Variants in LHFPL2 observed in about 807,000 individuals in gnomAD.
The protein encoded by LHFPL2 is LHFPL tetraspan subfamily member 2 protein.
In LHFPL2, 7 loss-of-function variants were observed where a neutral mutation model predicts 17.5. The observed-to-expected ratio is 0.40, with a 90% confidence interval of 0.23 to 0.75. LHFPL2 has a LOEUF of 0.75. Among genes scored for constraint, LHFPL2 ranks in the 30% least tolerant of loss-of-function variants. The pLI, the probability that LHFPL2 is intolerant of heterozygous loss-of-function variation, is 0.37. For missense variants in LHFPL2, 241 were observed against 294.8 expected, an observed-to-expected ratio of 0.82 and a Z score of 1.34; for synonymous variants, 134 against 116.2, an observed-to-expected ratio of 1.15 and a Z score of -0.99.
chr5:78,506,357 C>T (rs1031161527), intron 4 of LHFPL2, among the ~76,000 whole-genome samples: 2 of 152,224 alleles, frequency 1.3e-5, no homozygotes, highest in African/African-American at 4.8e-5. Flanking sequence ...AGAACAAACA[C>T]AGCCTGAGTG....
At chr5:78,615,825 C>T (rs1475339202) in intron 2 of LHFPL2, among the ~76,000 whole-genome samples, 1 of 152,146 alleles carries the variant, frequency 6.6e-6, no homozygotes, top group Non-Finnish European at 1.5e-5. Context: ...ATACAACACC[C>T]ACACTCCTTC....
intron 3 of LHFPL2, among the ~76,000 whole-genome samples, chr5:78,562,560 G>A (rs1231862620): frequency 6.6e-6 from 1 of 151,852 alleles, no homozygotes; most frequent in Non-Finnish European, 1.5e-5. Flanking sequence ...ACTTGAACTG[G>A]GGAGGCGGAG....
intron 1 of LHFPL2, among the ~76,000 whole-genome samples, 177 bp from the exon 2 acceptor site, chr5:78,632,545 T>A (rs772261769): frequency 2.6e-5 from 4 of 152,192 alleles, no homozygotes; most frequent in Non-Finnish European, 5.9e-5. Context: ...AATGCTAGTT[T>A]ACAACTCAGT....
chr5:78,560,927 G>A (rs1756708967), intron 3 of LHFPL2, among the ~76,000 whole-genome samples: 1 of 152,180 alleles, frequency 6.6e-6, no homozygotes, highest in African/African-American at 2.4e-5. Flanking sequence ...TGTAAGCCAT[G>A]TGTATTAATT....
chr5:78,504,835 A>G (rs996871877), intron 4 of LHFPL2, among the ~76,000 whole-genome samples: 1 of 152,222 alleles, frequency 6.6e-6, no homozygotes, highest in Non-Finnish European at 1.5e-5. Context: ...GTTCAGCCCC[A>G]GGGCAATCTA....
At chr5:78,574,991 G>C (rs1757092723) in intron 2 of LHFPL2, among the ~76,000 whole-genome samples, 1 of 152,148 alleles carries the variant, frequency 6.6e-6, no homozygotes, top group Non-Finnish European at 1.5e-5. Context: ...TTTCATAAAA[G>C]AATCGAGAGA....
chr5:78,618,845 G>A (rs946476648), intron 2 of LHFPL2, among the ~76,000 whole-genome samples: 7 of 152,106 alleles, frequency 4.6e-5, no homozygotes, highest in Non-Finnish European at 8.8e-5. Flanking sequence ...GGCCTGCTTC[G>A]GGACTCGGAG....
chr5:78,505,710 A>T (rs2112313729), intron 4 of LHFPL2, among the ~76,000 whole-genome samples: 1 of 152,386 alleles, frequency 6.6e-6, no homozygotes, highest in East Asian at 1.9e-4. Context: ...GTAGAATGCA[A>T]CAAATCCGGG....
chr5:78,549,340 C>T (rs1020907531), intron 3 of LHFPL2, among the ~76,000 whole-genome samples: 17 of 152,196 alleles, frequency 1.1e-4, no homozygotes, highest in Admixed American at 8.5e-4. Context: ...TGCCACATTT[C>T]AGCCATGAAG....
intron 3 of LHFPL2, among the ~76,000 whole-genome samples, chr5:78,558,127 T>C (rs1204864821): frequency 1.3e-5 from 2 of 152,150 alleles, no homozygotes; most frequent in East Asian, 3.8e-4. Flanking sequence ...ATTGCCTTCT[T>C]TAGTGGCAAG....
At position 78,488,031 on chromosome 5, in the gene LHFPL2, G is replaced by A. The variant is rs1305918067; in HGVS notation, c.*866C>T. 1.5e-5 allele frequency: 1 copy of A among 67,516 alleles called. No individual in the cohort carries two copies. The highest frequency in any genetic ancestry group is 5.6e-5 in the African/African-American group (1 of 17,776). The allele number at this position is 67,516 out of a possible 1,614,324, so 4.2% of individuals were successfully genotyped here. ...CTGCATAAGCCACAGCTAGCTTGGA[G>A]ACCTCAGTCCCTGGAAGGAGGAAAC... On this transcript the variant is annotated 3_prime_UTR_variant, in exon 5 of 5. Coordinates refer to ENST00000380345, the MANE Select transcript of LHFPL2 (RefSeq NM_005779.3).
chr5:78,637,250 C>T (rs1016877990), intron 1 of LHFPL2, among the ~76,000 whole-genome samples: 4 of 152,138 alleles, frequency 2.6e-5, no homozygotes, highest in African/African-American at 9.7e-5. Flanking sequence ...CTTTTAAAAG[C>T]TTTGTAATCG....
At chr5:78,602,002 G>GA (rs1170922659) in intron 2 of LHFPL2, among the ~76,000 whole-genome samples, 2 of 152,044 alleles carry the variant, frequency 1.3e-5, no homozygotes, top group Admixed American at 6.6e-5. Flanking sequence ...TATTAATGTG[G>GA]AAAAAATACG....
intron 4 of LHFPL2, among the ~76,000 whole-genome samples, chr5:78,494,894 C>G (rs1460217502): frequency 6.6e-6 from 1 of 152,128 alleles, no homozygotes; most frequent in Non-Finnish European, 1.5e-5. Flanking sequence ...GTTCCCAATG[C>G]AAACGTAGGA....
intron 3 of LHFPL2, among the ~76,000 whole-genome samples, chr5:78,544,125 T>C (rs1416886760): frequency 6.6e-6 from 1 of 152,216 alleles, no homozygotes; most frequent in African/African-American, 2.4e-5. Flanking sequence ...CAGAGTCCCT[T>C]GTTATGGCAG....
chr5:78,524,611 G>T (rs181116000), intron 3 of LHFPL2, among the ~76,000 whole-genome samples: 94 of 152,036 alleles, frequency 6.2e-4, no homozygotes, highest in African/African-American at 2.1e-3. Flanking sequence ...GTGTGGTGGC[G>T]GGCGCCTGTA....
chr5:78,517,261 A>T lies in LHFPL2; in HGVS notation c.-185-6863T>A, dbSNP rs1038677247. ...AAGTCTCTTTTTCTCTGGGCATGGG[A>T]TCCCCCACTGAGCTCTTTTGACCCC... On this transcript the variant is annotated intron_variant, in intron 3 of 4. Coordinates refer to ENST00000380345, the MANE Select transcript of LHFPL2 (RefSeq NM_005779.3). Among the ~76,000 whole-genome samples, 65 of 152,240 alleles carry T rather than the reference A, an allele frequency of 4.3e-4. 1 individual carries two copies. Among genetic ancestry groups the T allele is most frequent in the African/African-American group, 1.5e-3 (62 of 41,546 alleles).
intron 4 of LHFPL2, among the ~76,000 whole-genome samples, chr5:78,499,649 G>C (rs902670803): frequency 1.3e-5 from 2 of 152,236 alleles, no homozygotes; most frequent in African/African-American, 4.8e-5. Flanking sequence ...GGATTAGAGA[G>C]CAGGTGATAA....
chr5:78,488,790 CG>C lies in LHFPL2; in HGVS notation c.*106del, dbSNP rs1754336677. 2 of 1,318,120 alleles carry C rather than the reference CG, an allele frequency of 1.5e-6. No individual in the cohort carries two copies. The highest frequency in any genetic ancestry group is 2.6e-5 in the South Asian group (2 of 75,826). The allele number at this position is 1,318,120 out of a possible 1,614,324, so 81.7% of individuals were successfully genotyped here. A position where few individuals can be genotyped will look rare whatever the true frequency, so the allele number is the denominator to read the frequency against. On this transcript the variant is annotated 3_prime_UTR_variant, in exon 5 of 5. Transcript: ENST00000380345. ...CCTGTTTAAGCCTCGGGCCGTGGAACGTGGCTTTGGTAGGTAAAGGTTAGTT... is the reference window on the plus strand; with the variant it reads ...CCTGTTTAAGCCTCGGGCCGTGGAACTGGCTTTGGTAGGTAAAGGTTAGTT...
Sources: allele counts gnomAD v4.1 joint callset (sites outside exome capture counted in the v4.1 genomes callset), GRCh38; gene constraint gnomAD v4.1.1; transcripts MANE v1.5; gene names NCBI Gene and HGNC (gene_info 2026-07-23, HGNC 2026-07-21).